Variants in PTBP3 observed in about 807,000 individuals in gnomAD.
PTBP3 encodes polypyrimidine tract-binding protein 3.
PTBP3 carries 20 observed loss-of-function variants against 58.7 expected under a neutral mutation model. The observed-to-expected ratio is 0.34, with a 90% confidence interval of 0.24 to 0.50. The LOEUF (loss-of-function observed/expected upper bound fraction) is 0.50, where lower values mean the gene tolerates loss of function less well. Ranked by LOEUF, PTBP3 falls within the 20% of genes least tolerant of loss-of-function variation. PTBP3 has a pLI of 0.98. For synonymous variants in PTBP3, 185 were observed against 219.8 expected (o/e 0.84, Z 1.40); for missense variants, 509 against 637.2 (o/e 0.80, Z 2.17).
At chr9:112,283,961 G>A (rs1827991507) in intron 2 of PTBP3, among the ~76,000 whole-genome samples, 1 of 152,210 alleles carries the variant, frequency 6.6e-6, no homozygotes, top group Admixed American at 6.5e-5. Flanking sequence ...GTCTGCAGGT[G>A]AGCAGAAGAC....
At chr9:112,287,425 C>T (rs111577846) in intron 2 of PTBP3, among the ~76,000 whole-genome samples, 2,030 of 148,052 alleles carry the variant, frequency 0.014, 58 homozygotes, top group African/African-American at 0.048. Context: ...CTGCAACCTC[C>T]GCCCCCGGGG....
At chr9:112,309,113 A>G (rs550848417) in intron 1 of PTBP3, among the ~76,000 whole-genome samples, 4 of 152,308 alleles carry the variant, frequency 2.6e-5, no homozygotes, top group African/African-American at 9.6e-5. Flanking sequence ...TCAAGAAAAG[A>G]TATTTGTTTT....
Position 112,248,880 on chromosome 9 carries a change from A to C in PTBP3, c.802+2049T>G, listed in dbSNP as rs186551224. Among the ~76,000 whole-genome samples the C allele has an allele frequency of 5.3e-5, 8 of 152,342 alleles. No homozygotes were observed. The East Asian group carries it at 1.3e-3, about 26-fold the overall frequency. ...TTTATCAACAATAAAATGGATAAAC[A>C]AACCATGATCTATTATTCTTCCAAT... is the stretch of plus-strand genomic sequence containing the variant. On this transcript the variant is annotated intron_variant, in intron 7 of 13. Coordinates refer to ENST00000374257, the MANE Select transcript of PTBP3 (RefSeq NM_001163788.4).
intron 5 of PTBP3, among the ~76,000 whole-genome samples, chr9:112,258,599 T>G (rs1836468688): frequency 6.6e-6 from 1 of 152,228 alleles, no homozygotes; most frequent in Non-Finnish European, 1.5e-5. Flanking sequence ...CCTCAGTCTT[T>G]ACATCTTAGC....
At chr9:112,371,646 A>ATTTTTTTTTTTTTTTTTTTTTT in the PTBP3 span, among the ~76,000 whole-genome samples, 1 of 127,540 alleles carries the variant, frequency 7.8e-6, no homozygotes. Flanking sequence ...TTTTTAGTAG[A>ATTTTTTTTTTTTTTTTTTTTTT]TTTTTTTTTT....
At chr9:112,279,359 C>G (rs1827760079) in intron 2 of PTBP3, among the ~76,000 whole-genome samples, 2 of 152,158 alleles carry the variant, frequency 1.3e-5, no homozygotes, top group African/African-American at 4.8e-5. Flanking sequence ...CACTACATAT[C>G]AGTCACGCTT....
At chr9:112,303,283 T>C (rs1441981375) in intron 1 of PTBP3, among the ~76,000 whole-genome samples, 2 of 152,260 alleles carry the variant, frequency 1.3e-5, no homozygotes, top group African/African-American at 2.4e-5. Context: ...AGAATTTTTC[T>C]ATCCCAAGTG....
chr9:112,299,527 T>C (rs563216549), intron 1 of PTBP3, among the ~76,000 whole-genome samples: 25 of 152,084 alleles, frequency 1.6e-4, no homozygotes, highest in Non-Finnish European at 2.6e-4. Flanking sequence ...AACAAAACAC[T>C]AGAAATCAGT....
At chr9:112,227,343 A>T in intron 12 of PTBP3, 68 bp downstream of exon 12, 1 of 1,530,422 alleles carries the variant, frequency 6.5e-7, no homozygotes, top group Non-Finnish European at 9.0e-7. Context: ...AGAAGTTTTA[A>T]CCTCTCCTAC....
At chr9:112,361,211 C>G in the PTBP3 span, among the ~76,000 whole-genome samples, 7 of 152,096 alleles carry the variant, frequency 4.6e-5, no homozygotes, top group Non-Finnish European at 8.8e-5. Context: ...ATTCTCTTGC[C>G]TCAGCCTCCC....
intron 3 of PTBP3, among the ~76,000 whole-genome samples, chr9:112,270,129 T>G (rs1827310166): frequency 1.3e-5 from 2 of 151,980 alleles, no homozygotes; most frequent in Admixed American, 6.6e-5. Context: ...GGGTTTATAG[T>G]AGAGACAGGG....
chr9:112,266,680 T>C (rs2132151035), intron 4 of PTBP3, among the ~76,000 whole-genome samples: 1 of 152,336 alleles, frequency 6.6e-6, no homozygotes, highest in African/African-American at 2.4e-5. Context: ...ATATTTGTTG[T>C]AATAAACCCA....
chr9:112,228,358 A>T (rs1422539630), intron 11 of PTBP3, 22 bp downstream of exon 11: 1 of 1,526,316 alleles, frequency 6.6e-7, no homozygotes, highest in African/African-American at 1.4e-5. Context: ...CATTATTATT[A>T]ATAATTATTA....
the PTBP3 span, among the ~76,000 whole-genome samples, chr9:112,347,516 A>AT: frequency 5.3e-5 from 8 of 151,722 alleles, no homozygotes; most frequent in Non-Finnish European, 8.8e-5. Flanking sequence ...TAATATTTGT[A>AT]TTTTTTTGTG....
the PTBP3 span, among the ~76,000 whole-genome samples, chr9:112,354,308 G>A: frequency 3.9e-5 from 6 of 152,272 alleles, no homozygotes; most frequent in South Asian, 8.3e-4. Context: ...TTGTTCTCCC[G>A]TATCAATATG....
chr9:112,330,482 GA>G, intron 1 of PTBP3: 6 of 1,517,496 alleles, frequency 4.0e-6, no homozygotes, highest in South Asian at 1.2e-5. Context: ...ACACTGTATG[GA>G]AAAAGTAAAA....
In PTBP3 at chr9:112,322,722, T is replaced by A. The variant is rs1346376869; in HGVS notation, c.-52+10748A>T. Among the ~76,000 whole-genome samples, 9 of 152,332 alleles carry A rather than the reference T, an allele frequency of 5.9e-5. No individual in the cohort carries two copies. In the East Asian group the frequency reaches 1.7e-3, roughly 29 times the overall value. On this transcript the variant is annotated intron_variant, in intron 1 of 13. Coordinates refer to ENST00000374257, the MANE Select transcript of PTBP3 (RefSeq NM_001163788.4). ...AGACAAAACAAGCATCAGGACCAGA[T>A]TCAAACAGGACACAGATTTTGGAAT...
the PTBP3 span, among the ~76,000 whole-genome samples, chr9:112,379,666 A>G: frequency 0.95 from 145,029 of 152,250 alleles, 69,136 homozygotes; most frequent in African/African-American, 0.99. Context: ...GGCCGAGAGA[A>G]CGCCAGGCTC....
At chr9:112,279,236 T>C (rs1415296073) in intron 2 of PTBP3, among the ~76,000 whole-genome samples, 1 of 152,202 alleles carries the variant, frequency 6.6e-6, no homozygotes, top group Non-Finnish European at 1.5e-5. Flanking sequence ...TTATTTTCTG[T>C]ACAAAAGGAC....
Sources: allele counts gnomAD v4.1 joint callset (sites outside exome capture counted in the v4.1 genomes callset), GRCh38; gene constraint gnomAD v4.1.1; transcripts MANE v1.5; gene names NCBI Gene and HGNC (gene_info 2026-07-23, HGNC 2026-07-21).